CDK19: variants seen among roughly 807,000 people sequenced by gnomAD.
The protein encoded by CDK19 is cyclin-dependent kinase 19.
CDK19 carries 20 observed loss-of-function variants against 68.3 expected under a neutral mutation model. The observed-to-expected ratio is 0.29, with a 90% CI of 0.21 to 0.43. The LOEUF (loss-of-function observed/expected upper bound fraction) is 0.43, where lower values mean the gene tolerates loss of function less well. CDK19 is among the 20% of genes least tolerant of loss of function. CDK19 has a pLI of 1.00. For missense variants in CDK19, 339 were observed against 623.5 expected (o/e 0.54, Z 4.86); for synonymous variants, 221 against 222.8 (o/e 0.99, Z 0.07).
chr6:110,813,817 C>G (rs9487533), intron 1 of CDK19: 9,299 of 152,260 alleles, frequency 0.061, 336 homozygotes, highest in African/African-American at 0.1. Context: ...CAAAGATAAG[C>G]GGCACTTCAA....
At chr6:110,646,029 C>T (rs1780548006) in intron 4 of CDK19, 5 of 947,642 alleles carry the variant, frequency 5.3e-6, no homozygotes, top group Non-Finnish European at 4.9e-6. Flanking sequence ...GCGGGACCTG[C>T]GTGCCATCTA....
At chr6:110,726,147 T>A (rs1014560798) in intron 2 of CDK19, among the ~76,000 whole-genome samples, 8 of 152,188 alleles carry the variant, frequency 5.3e-5, no homozygotes, top group African/African-American at 1.9e-4. Flanking sequence ...GAAAAAAAGA[T>A]AATCCTAGTA....
chr6:110,806,997 T>A (rs977881694), intron 1 of CDK19, among the ~76,000 whole-genome samples: 4 of 145,174 alleles, frequency 2.8e-5, no homozygotes, highest in Non-Finnish European at 6.0e-5. Context: ...ATTAAATAAA[T>A]AAAAATAAAA....
intron 2 of CDK19, among the ~76,000 whole-genome samples, chr6:110,704,607 C>T (rs542269961): frequency 1.3e-5 from 2 of 152,304 alleles, no homozygotes; most frequent in Admixed American, 1.3e-4. Flanking sequence ...TTTTTACATA[C>T]ACTTATATTA....
intron 5 of CDK19, among the ~76,000 whole-genome samples, chr6:110,638,058 T>A (rs1414152236): frequency 1.8e-5 from 2 of 111,444 alleles, no homozygotes; most frequent in Non-Finnish European, 4.2e-5. Context: ...ATGATGCTGA[T>A]TTTTTTTTTT....
chr6:110,812,190 G>A (rs1443137102), intron 1 of CDK19, among the ~76,000 whole-genome samples: 1 of 151,076 alleles, frequency 6.6e-6, no homozygotes, highest in Non-Finnish European at 1.5e-5. Context: ...GCGGGATCTC[G>A]GCTCACTGCA....
At chr6:110,812,497 ATAAT>A (rs1783183495) in intron 1 of CDK19, among the ~76,000 whole-genome samples, 2 of 152,234 alleles carry the variant, frequency 1.3e-5, no homozygotes, top group African/African-American at 4.8e-5. Flanking sequence ...AATTTGTGAT[ATAAT>A]TAATATTGCC....
intron 1 of CDK19, among the ~76,000 whole-genome samples, chr6:110,755,029 C>T (rs189367959): frequency 3.2e-3 from 473 of 149,634 alleles, no homozygotes; most frequent in Non-Finnish European, 5.8e-3. Context: ...CTGATCCCTT[C>T]CCTTGTGAAT....
intron 2 of CDK19, among the ~76,000 whole-genome samples, chr6:110,681,841 TGAA>T (rs1290844530): frequency 5.9e-5 from 9 of 152,202 alleles, no homozygotes; most frequent in Admixed American, 2.6e-4. Flanking sequence ...TGGAGCCTAA[TGAA>T]GAATGTTCAA....
intron 1 of CDK19, among the ~76,000 whole-genome samples, chr6:110,803,180 C>T (rs1782454222): frequency 1.3e-5 from 2 of 151,976 alleles, no homozygotes; most frequent in Admixed American, 6.6e-5. Flanking sequence ...CCCAGGTTCA[C>T]GCCATTCTCC....
intron 3 of CDK19, among the ~76,000 whole-genome samples, 176 bp downstream of exon 3, chr6:110,670,255 T>C (rs1770883517): frequency 1.3e-5 from 2 of 150,936 alleles, no homozygotes; most frequent in African/African-American, 5.0e-5. Context: ...ATCTTCTCAG[T>C]AAAATGTGAG....
intron 2 of CDK19, among the ~76,000 whole-genome samples, chr6:110,690,025 C>A (rs943939880): frequency 1.3e-5 from 2 of 152,202 alleles, no homozygotes; most frequent in Admixed American, 1.3e-4. Flanking sequence ...CAGTGCTGGG[C>A]TCAGTGGGGA....
chr6:110,765,385 AAGAAG>A (rs1779505074), intron 1 of CDK19, among the ~76,000 whole-genome samples: 1 of 151,866 alleles, frequency 6.6e-6, no homozygotes, highest in African/African-American at 2.4e-5. Flanking sequence ...TATCAACGAA[AAGAAG>A]AGAACAGGTC....
At chr6:110,804,101 A>G (rs1244291065) in intron 1 of CDK19, among the ~76,000 whole-genome samples, 2 of 146,512 alleles carry the variant, frequency 1.4e-5, no homozygotes, top group Non-Finnish European at 2.9e-5. Flanking sequence ...AAATATCAGC[A>G]AAACACTTTG....
At chr6:110,752,851 G>C (rs1778566950) in intron 1 of CDK19, among the ~76,000 whole-genome samples, 1 of 151,774 alleles carries the variant, frequency 6.6e-6, no homozygotes, top group Non-Finnish European at 1.5e-5. Flanking sequence ...ACAAGTATGA[G>C]CCACTGACCT....
intron 1 of CDK19, among the ~76,000 whole-genome samples, chr6:110,775,898 C>A (rs1342266557): frequency 4.6e-5 from 7 of 152,204 alleles, no homozygotes; most frequent in Admixed American, 4.6e-4. Context: ...AGCCAGGTGA[C>A]TTGAGTTCAA....
chr6:110,641,363 G>A (rs369339789), intron 4 of CDK19, among the ~76,000 whole-genome samples: 1 of 152,036 alleles, frequency 6.6e-6, no homozygotes, highest in African/African-American at 2.4e-5. Context: ...TTGGAAGGCC[G>A]AGGTACGTGG....
chr6:110,623,843 CATATATACAT>C (rs1480815129), intron 8 of CDK19, among the ~76,000 whole-genome samples: 5 of 145,720 alleles, frequency 3.4e-5, no homozygotes, highest in South Asian at 4.3e-4. Flanking sequence ...TATATATACA[CATATATACAT>C]ATATATACAT....
intron 1 of CDK19, among the ~76,000 whole-genome samples, chr6:110,800,630 G>A (rs1782279071): frequency 6.6e-6 from 1 of 152,152 alleles, no homozygotes; most frequent in African/African-American, 2.4e-5. Context: ...TTCCTGGGAT[G>A]CAAGGATGGT....
Sources: gnomAD v4.1 joint callset for allele counts (sites outside exome capture counted in the v4.1 genomes callset) on GRCh38, gnomAD v4.1.1 for gene constraint, MANE v1.5 for transcripts, NCBI Gene and HGNC (gene_info 2026-07-23, HGNC 2026-07-21) for gene names.